The following GPM6A variants were observed in gnomAD, a reference collection of about 807,000 sequenced individuals.
GPM6A encodes neuronal membrane glycoprotein M6-a.
GPM6A carries 7 observed loss-of-function variants against 32.1 expected under a neutral mutation model. The observed-to-expected ratio is 0.22, with a 90% CI of 0.12 to 0.41. GPM6A has a LOEUF of 0.41. Ranked by LOEUF, GPM6A falls within the 10% of genes least tolerant of loss-of-function variation. The pLI, the probability that GPM6A is intolerant of heterozygous loss-of-function variation, is 1.00. For missense variants in GPM6A, 235 were observed against 347.2 expected, an observed-to-expected ratio of 0.68 and a Z score of 2.57; for synonymous variants, 130 against 123.4, an observed-to-expected ratio of 1.05 and a Z score of -0.35.
At chr4:175,804,900 C>T (rs1734624763) in intron 1 of GPM6A, among the ~76,000 whole-genome samples, 1 of 152,046 alleles carries the variant, frequency 6.6e-6, no homozygotes, top group East Asian at 1.9e-4. Context: ...AAAAAATTAG[C>T]TGGGTGTGGT....
At chr4:175,644,250 T>C (rs1479356788) in intron 4 of GPM6A, among the ~76,000 whole-genome samples, 1 of 150,584 alleles carries the variant, frequency 6.6e-6, no homozygotes, top group African/African-American at 2.4e-5. Context: ...CAGCCTGCTC[T>C]AAAACTTTTT....
chr4:175,818,574 A>G (rs1352952911), intron 1 of GPM6A, among the ~76,000 whole-genome samples: 1 of 152,260 alleles, frequency 6.6e-6, no homozygotes, highest in Non-Finnish European at 1.5e-5. Flanking sequence ...GTAAGCTTTC[A>G]ATAGATACTT....
chr4:175,959,457 A>G (rs1740096947), intron 1 of GPM6A, among the ~76,000 whole-genome samples: 1 of 152,152 alleles, frequency 6.6e-6, no homozygotes, highest in East Asian at 1.9e-4. Context: ...CACACCCCAC[A>G]TACGCACAGT....
At chr4:175,916,859 T>C (rs530705679) in intron 1 of GPM6A, among the ~76,000 whole-genome samples, 4 of 152,320 alleles carry the variant, frequency 2.6e-5, no homozygotes, top group Non-Finnish European at 5.9e-5. Context: ...ACAGTTTTCC[T>C]GGCCAAGAAT....
At chr4:175,912,470 C>T (rs1253700685) in intron 1 of GPM6A, among the ~76,000 whole-genome samples, 19 of 152,012 alleles carry the variant, frequency 1.2e-4, no homozygotes, top group African/African-American at 1.7e-4. Context: ...GCCAGGCCAA[C>T]GTGGTGAAAC....
At chr4:175,678,563 G>A (rs894886371) in intron 2 of GPM6A, among the ~76,000 whole-genome samples, 2 of 152,156 alleles carry the variant, frequency 1.3e-5, no homozygotes, top group African/African-American at 4.8e-5. Flanking sequence ...GAGAGAGAGA[G>A]AAGAACTTGG....
At chr4:175,662,015 A>AT (rs1560859101) in intron 3 of GPM6A, among the ~76,000 whole-genome samples, 1 of 152,168 alleles carries the variant, frequency 6.6e-6, no homozygotes, top group Admixed American at 6.5e-5. Context: ...GAAATGATAA[A>AT]TTTTTTTAAA....
At chr4:175,900,314 AAAGGAAAGGAAAGG>A in intron 1 of GPM6A, among the ~76,000 whole-genome samples, 1 of 6,182 alleles carries the variant, frequency 1.6e-4, no homozygotes, top group African/African-American at 3.0e-4. Context: ...GAAGGAAAGG[AAAGGAAAGGAAAGG>A]AAAGGAAAGG....
intron 1 of GPM6A, among the ~76,000 whole-genome samples, chr4:175,724,283 G>A (rs574911594): frequency 1.3e-5 from 2 of 152,182 alleles, no homozygotes; most frequent in South Asian, 2.1e-4. Flanking sequence ...GGTGGCTCAC[G>A]CCTATAATCC....
intron 1 of GPM6A, among the ~76,000 whole-genome samples, chr4:175,943,114 T>C (rs560748605): frequency 6.6e-6 from 1 of 152,322 alleles, no homozygotes; most frequent in Admixed American, 6.5e-5. Flanking sequence ...GTAAGCTGTA[T>C]TCCTAGGTAT....
Position 175,964,096 on chromosome 4 carries a change from C to CA in GPM6A, c.-23+38212dup, listed in dbSNP as rs201953327. 4.7e-3 allele frequency among the ~76,000 whole-genome samples: 688 copies of CA among 146,806 alleles called. 8 individuals carry two copies. Among genetic ancestry groups the CA allele is most frequent in the African/African-American group, 0.016 (655 of 39,998 alleles). On this transcript the variant is annotated intron_variant, in intron 1 of 7. Transcript: ENST00000280187. ...GAAAAGACAGAAAAACAGTAGAAGA[C>CA]AAAAAAAAGAGAGAGAGAGAAAGAA... is the stretch of plus-strand genomic sequence containing the variant.
intron 1 of GPM6A, chr4:175,962,179 T>C (rs1740188383): frequency 9.3e-7 from 1 of 1,080,038 alleles, no homozygotes; most frequent in African/African-American, 1.5e-5. Context: ...ATCGAGCACC[T>C]GCTTTCTTTG....
chr4:175,754,483 T>G (rs1232398993), intron 1 of GPM6A, among the ~76,000 whole-genome samples: 1 of 152,190 alleles, frequency 6.6e-6, no homozygotes, highest in Non-Finnish European at 1.5e-5. Flanking sequence ...CATGTTAAAT[T>G]TGTATTTCTA....
chr4:175,978,444 T>C (rs558872382), intron 1 of GPM6A, among the ~76,000 whole-genome samples: 6 of 152,250 alleles, frequency 3.9e-5, no homozygotes, highest in African/African-American at 1.2e-4. Context: ...AGCCAAACCA[T>C]ATAAGCTATC....
At chr4:175,829,193 G>C (rs994157242) in intron 1 of GPM6A, among the ~76,000 whole-genome samples, 2 of 152,202 alleles carry the variant, frequency 1.3e-5, no homozygotes, top group Non-Finnish European at 2.9e-5. Flanking sequence ...GCCTTCCAAA[G>C]TGCTGGGAGC....
intron 1 of GPM6A, among the ~76,000 whole-genome samples, chr4:175,934,490 G>T (rs1194225550): frequency 6.6e-6 from 1 of 152,006 alleles, no homozygotes; most frequent in Admixed American, 6.6e-5. Context: ...ATCTGAAGAG[G>T]TAGGAAAAAT....
chr4:175,784,985 G>A lies in GPM6A; in HGVS notation c.37+27206C>T, dbSNP rs74439419. Among the ~76,000 whole-genome samples the A allele has an allele frequency of 9.9e-3, 1,510 of 152,200 alleles. 17 individuals carry two copies. Among genetic ancestry groups the A allele is most frequent in the Non-Finnish European group, 0.017 (1,160 of 68,014 alleles). Reference sequence around the variant, plus strand: ...ATCTCAATTCATCCCCTTTCTGTATGTGCATGCTGCCTATTACATGGAAAC... The same window carrying A: ...ATCTCAATTCATCCCCTTTCTGTATATGCATGCTGCCTATTACATGGAAAC... On this transcript the variant is annotated intron_variant, in intron 1 of 6. Coordinates refer to ENST00000393658, the MANE Select transcript of GPM6A (RefSeq NM_201591.3).
chr4:175,924,160 T>C (rs1366364145), intron 1 of GPM6A, among the ~76,000 whole-genome samples: 2 of 152,162 alleles, frequency 1.3e-5, no homozygotes, highest in Non-Finnish European at 2.9e-5. Flanking sequence ...ATGCAACAAT[T>C]AGAGCTCTCA....
intron 1 of GPM6A, among the ~76,000 whole-genome samples, chr4:175,940,025 T>C (rs1188692842): frequency 6.6e-6 from 1 of 152,208 alleles, no homozygotes; most frequent in Non-Finnish European, 1.5e-5. Context: ...AGTGATTAAA[T>C]AGTGATGCAG....
Sources: gnomAD v4.1 joint callset for allele counts (sites outside exome capture counted in the v4.1 genomes callset) on GRCh38, gnomAD v4.1.1 for gene constraint, MANE v1.5 for transcripts, NCBI Gene and HGNC (gene_info 2026-07-23, HGNC 2026-07-21) for gene names.